SGCZ: variants seen among roughly 807,000 people sequenced by gnomAD.
SGCZ encodes the protein sarcoglycan zeta.
Under a neutral mutation model 41.3 loss-of-function variants are expected in SGCZ, and 40 were observed. The observed-to-expected ratio is 0.97, with a 90% confidence interval of 0.75 to 1.26. SGCZ has a LOEUF of 1.26. Among genes scored for constraint, SGCZ ranks in the 50% most tolerant of loss-of-function variants. SGCZ has a pLI of 0.00. For missense variants in SGCZ, 552 were observed against 369.8 expected, an observed-to-expected ratio of 1.49 and a Z score of -4.04; for synonymous variants, 206 against 137.5, an observed-to-expected ratio of 1.50 and a Z score of -3.49.
At chr8:14,603,365 G>T (rs1479785798) in intron 1 of SGCZ, among the ~76,000 whole-genome samples, 1 of 151,966 alleles carries the variant, frequency 6.6e-6, no homozygotes, top group Non-Finnish European at 1.5e-5. Context: ...CACAGCAAAT[G>T]ATTGTTGAAA....
At chr8:14,937,293 T>C (rs1340313769) in intron 1 of SGCZ, among the ~76,000 whole-genome samples, 1 of 151,982 alleles carries the variant, frequency 6.6e-6, no homozygotes, top group Non-Finnish European at 1.5e-5. Flanking sequence ...AAATAAAATA[T>C]TTCATAAAAA....
At chr8:15,157,573 A>G (rs185219748) in intron 1 of SGCZ, among the ~76,000 whole-genome samples, 1 of 152,310 alleles carries the variant, frequency 6.6e-6, no homozygotes, top group African/African-American at 2.4e-5. Context: ...TGTAATACTC[A>G]GGACCAGGAG....
chr8:15,068,600 C>G (rs552018654), intron 1 of SGCZ, among the ~76,000 whole-genome samples: 59 of 152,250 alleles, frequency 3.9e-4, no homozygotes, highest in Admixed American at 6.5e-4. Flanking sequence ...AGTTTTACAT[C>G]CATGCTTGCA....
At chr8:14,593,156 A>G (rs1805293632) in intron 1 of SGCZ, among the ~76,000 whole-genome samples, 1 of 152,072 alleles carries the variant, frequency 6.6e-6, no homozygotes, top group Non-Finnish European at 1.5e-5. Flanking sequence ...GGTAACAGGG[A>G]CTCTGTAGAT....
intron 2 of SGCZ, among the ~76,000 whole-genome samples, chr8:14,477,410 C>T (rs1247271364): frequency 6.6e-6 from 1 of 152,052 alleles, no homozygotes; most frequent in African/African-American, 2.4e-5. Flanking sequence ...TATTTTTATA[C>T]TTCTTACCAC....
intron 1 of SGCZ, among the ~76,000 whole-genome samples, chr8:15,078,073 A>G (rs1805605146): frequency 7.1e-6 from 1 of 141,278 alleles, no homozygotes; most frequent in South Asian, 2.3e-4. Flanking sequence ...TGGGAGGAGG[A>G]GCCTGTCCTC....
chr8:14,679,455 G>A (rs1352581197), intron 1 of SGCZ, among the ~76,000 whole-genome samples: 1 of 151,424 alleles, frequency 6.6e-6, no homozygotes, highest in African/African-American at 2.4e-5. Flanking sequence ...AAACTAATAT[G>A]TGTGTTCGTG....
chr8:15,054,055 G>C (rs1490830046), intron 1 of SGCZ, among the ~76,000 whole-genome samples: 1 of 152,184 alleles, frequency 6.6e-6, no homozygotes. Context: ...AAGGGATGTA[G>C]CAAAGCTTTA....
At chr8:14,561,245 C>A (rs1804199322) in intron 1 of SGCZ, among the ~76,000 whole-genome samples, 1 of 152,106 alleles carries the variant, frequency 6.6e-6, no homozygotes, top group Admixed American at 6.5e-5. Flanking sequence ...TTCTGAAATA[C>A]ATTGTTTTCT....
chr8:14,937,853 A>G (rs1800133672), intron 1 of SGCZ, among the ~76,000 whole-genome samples: 1 of 152,152 alleles, frequency 6.6e-6, no homozygotes, highest in African/African-American at 2.4e-5. Flanking sequence ...GAATGTTATA[A>G]AGGCATAACA....
At chr8:14,711,180 T>C (rs1230214100) in intron 1 of SGCZ, among the ~76,000 whole-genome samples, 1 of 152,172 alleles carries the variant, frequency 6.6e-6, no homozygotes, top group African/African-American at 2.4e-5. Context: ...AATGGATAAA[T>C]GTTAAAACAT....
chr8:14,113,768 A>T (rs1802442790), intron 5 of SGCZ, among the ~76,000 whole-genome samples: 1 of 152,060 alleles, frequency 6.6e-6, no homozygotes, highest in Non-Finnish European at 1.5e-5. Flanking sequence ...CTCACTTAAA[A>T]TATTTTAAGA....
At chr8:14,722,871 C>T (rs922036719) in intron 1 of SGCZ, among the ~76,000 whole-genome samples, 14 of 151,890 alleles carry the variant, frequency 9.2e-5, no homozygotes, top group East Asian at 7.7e-4. Flanking sequence ...TGTGTAAAGT[C>T]GGAAATAAAA....
intron 1 of SGCZ, among the ~76,000 whole-genome samples, chr8:15,025,856 A>G (rs1343955808): frequency 7.2e-5 from 11 of 152,226 alleles, no homozygotes; most frequent in Admixed American, 1.3e-4. Context: ...TAATTTTTAT[A>G]TAAGTAAGAC....
At chr8:14,139,697 C>A (rs1803308072) in intron 5 of SGCZ, among the ~76,000 whole-genome samples, 1 of 151,702 alleles carries the variant, frequency 6.6e-6, no homozygotes, top group South Asian at 2.1e-4. Context: ...GCAATAATAG[C>A]CTACCAACCA....
At chr8:14,487,970 T>A (rs1801725923) in intron 2 of SGCZ, 1 of 152,040 alleles carries the variant, frequency 6.6e-6, no homozygotes, top group African/African-American at 2.4e-5. Context: ...ATCTTTTGGC[T>A]TTCCAGGAAA....
intron 1 of SGCZ, among the ~76,000 whole-genome samples, chr8:15,031,379 G>A (rs1181325522): frequency 6.6e-6 from 1 of 152,132 alleles, no homozygotes; most frequent in Non-Finnish European, 1.5e-5. Flanking sequence ...GCAGTAGAGA[G>A]TGTTGAATCT....
chr8:15,057,469 G>C (rs1804757529), intron 1 of SGCZ, among the ~76,000 whole-genome samples: 2 of 152,148 alleles, frequency 1.3e-5, no homozygotes, highest in African/African-American at 4.8e-5. Context: ...ATAGCAAGTA[G>C]AGTTGAAGCA....
chr8:14,913,754 G>A lies in SGCZ; in HGVS notation c.39+323831C>T, dbSNP rs1456874224. 2.0e-5 allele frequency among the ~76,000 whole-genome samples: 3 copies of A among 151,828 alleles called. No individual in the cohort carries two copies. In the East Asian group the frequency reaches 5.9e-4, roughly 30 times the overall value. ...AAAAATTTATATAAAAACAGGTTTT[G>A]GAAAATTACCAGTCACAAATCAATG... On this transcript the variant is annotated intron_variant, in intron 1 of 7. Transcript: ENST00000382080.
Sources: gnomAD v4.1 joint callset for allele counts (sites outside exome capture counted in the v4.1 genomes callset) on GRCh38, gnomAD v4.1.1 for gene constraint, MANE v1.5 for transcripts, NCBI Gene and HGNC (gene_info 2026-07-23, HGNC 2026-07-21) for gene names.